GAR1: variants seen among roughly 807,000 people sequenced by gnomAD.
GAR1 encodes H/ACA ribonucleoprotein complex subunit 1.
In GAR1, 11 loss-of-function variants were observed where a neutral mutation model predicts 29.3. The ratio of observed to expected loss-of-function variants is 0.38; its 90% CI spans 0.24 to 0.62. The LOEUF is 0.62. Among genes scored for constraint, GAR1 ranks in the 20% least tolerant of loss-of-function variants. GAR1 has a pLI of 0.62. For synonymous variants in GAR1, 87 were observed against 93.3 expected, an observed-to-expected ratio of 0.93 and a Z score of 0.39; for missense variants, 237 against 268.4, an observed-to-expected ratio of 0.88 and a Z score of 0.82.
chr4:109,822,458 GGAGGAGGTGGCA>G lies in GAR1; in HGVS notation c.546_557del (p.Arg189_Gly192del), dbSNP rs1733539825. The G allele has an allele frequency of 3.1e-6, 5 of 1,603,068 alleles. No homozygotes were observed. The highest frequency in any genetic ancestry group is 3.4e-6 in the Non-Finnish European group (4 of 1,172,614). On this transcript the variant is annotated inframe_deletion, in exon 5 of 7. Coordinates refer to ENST00000226796, the MANE Select transcript of GAR1 (RefSeq NM_018983.4). ...CAGGGGAGGCCGAGGAGGAGGAAGA[GGAGGAGGTGGCA>G]GAGGTGGTGGCAGAGGCGGTAAGTT...
In GAR1 at chr4:109,822,557, T is replaced by G. The variant is rs562626460; in HGVS notation, c.571+69T>G. 1.2e-4 allele frequency: 180 copies of G among 1,512,284 alleles called. 1 individual carries two copies. Among genetic ancestry groups the G allele is most frequent in the Non-Finnish European group, 1.2e-4 (142 of 1,136,666 alleles). 93.7% of individuals were successfully genotyped at this position (1,512,284 alleles called of 1,614,324 possible). ...TTCACAGCTAATTCATACAATACAATTTAGCTTTGTACATAGCAAACCTCC... is the reference window on the plus strand; with the variant it reads ...TTCACAGCTAATTCATACAATACAAGTTAGCTTTGTACATAGCAAACCTCC... On this transcript the variant is annotated intron_variant, in intron 5 of 6. Transcript: ENST00000226796.
At chr4:109,823,936 T>C in intron 5 of GAR1, 29 bp from the exon 6 acceptor site, 1 of 1,392,794 alleles carries the variant, frequency 7.2e-7, no homozygotes, top group Non-Finnish European at 1.0e-6. Context: ...TTAAATACTT[T>C]GCGTTATTAT....
Position 109,816,175 on chromosome 4 carries a change from G to C in GAR1, c.11G>C (p.Arg4Pro), listed in dbSNP as rs1473496522. Residue 4 changes from arginine to proline, a missense_variant, in exon 2 of 7, where the codon CGA (arginine) becomes CCA (proline). Arg to Pro is a moderately radical substitution (Grantham distance 103). Transcript: ENST00000226796. ...CAGGGAGGAGAGAGAATGTCTTTTCGAGGCGGAGGTCGTGGAGGCTTTAAT... is the reference window on the plus strand; with the variant it reads ...CAGGGAGGAGAGAGAATGTCTTTTCCAGGCGGAGGTCGTGGAGGCTTTAAT... MSF[R>P]GGGRGGFNRG... The C allele has an allele frequency of 1.2e-6, 2 of 1,612,268 alleles. No individual in the cohort carries two copies. The highest frequency in any genetic ancestry group is 1.7e-6 in the Non-Finnish European group (2 of 1,179,942).
intron 4 of GAR1, 122 bp downstream of exon 4, chr4:109,819,182 A>C (rs557709831): frequency 2.7e-6 from 2 of 745,064 alleles, no homozygotes; most frequent in African/African-American, 1.7e-5. Context: ...TCTTAAATTG[A>C]AATGTTCCAT....
chr4:109,819,129 A>G (rs1212811500), intron 4 of GAR1, 69 bp downstream of exon 4: 2 of 815,172 alleles, frequency 2.5e-6, no homozygotes, highest in East Asian at 2.4e-5. Flanking sequence ...GGAAAGTCCT[A>G]CTTGGAGCAC....
rs1344949005 is a variant in GAR1 at position 109,818,083 on chromosome 4, G to A, written c.362G>A (p.Arg121Lys). Residue 121 changes from arginine to lysine, a missense_variant, in exon 3 of 7, where the codon AGA (arginine) becomes AAA (lysine). Arg to Lys is a conservative substitution (Grantham distance 26). Coordinates refer to ENST00000226796, the MANE Select transcript of GAR1 (RefSeq NM_018983.4). ...GTGGATGAAATATTTGGACAACTCA[G>A]AGATTTTGTATCCTTTTTCATTGGA... is the stretch of plus-strand genomic sequence containing the variant. ...GKVDEIFGQL[R>K]DFYFSVKLSE... The A allele has an allele frequency of 1.9e-6, 3 of 1,597,928 alleles. No homozygotes were observed. Among genetic ancestry groups the A allele is most frequent in the Non-Finnish European group, 1.7e-6 (2 of 1,174,516 alleles).
intron 5 of GAR1, among the ~76,000 whole-genome samples, chr4:109,822,862 C>T (rs928708313): frequency 6.6e-6 from 1 of 152,086 alleles, no homozygotes; most frequent in Non-Finnish European, 1.5e-5. Flanking sequence ...TAATACTCAG[C>T]GAAACCTTTT....
rs1311941147 is a variant in GAR1, at chr4:109,824,718, A to G, written c.*287A>G. ...TGAAGCATATTTGAATTTTTAAAAT[A>G]AAGTGTTTTATTCCCTTAAGTTATT... On this transcript the variant is annotated 3_prime_UTR_variant, in exon 7 of 7. Coordinates refer to ENST00000226796, the MANE Select transcript of GAR1 (RefSeq NM_018983.4). 1.3e-5 allele frequency: 4 copies of G among 305,870 alleles called. No individual in the cohort carries two copies. The highest frequency in any genetic ancestry group is 2.4e-5 in the Non-Finnish European group (4 of 167,552). The allele number at this position is 305,870 out of a possible 1,614,324, so 18.9% of individuals were successfully genotyped here.
chr4:109,816,355 A>G lies in GAR1; in HGVS notation c.191A>G (p.Gln64Arg), dbSNP rs1266192088. 1 of 1,613,846 alleles carries G rather than the reference A, an allele frequency of 6.2e-7. No individual in the cohort carries two copies. The highest frequency in any genetic ancestry group is 8.5e-7 in the Non-Finnish European group (1 of 1,180,010). The part of the protein sequence containing the change: ...GRGGFNKGQD[Q>R]GPPERVVLLG... ...GGAGGCTTTAACAAAGGCCAAGACC[A>G]AGGACCTCCAGAACGTGTAGTCTGT... is the stretch of plus-strand genomic sequence containing the variant. Residue 64 changes from glutamine (Q) to arginine (R), a missense_variant, in exon 2 of 7, where the codon CAA becomes CGA. By Grantham distance (43) the Gln-to-Arg change is conservative. Coordinates refer to ENST00000226796, the MANE Select transcript of GAR1 (RefSeq NM_018983.4).
rs545353774 is a variant in GAR1, at chr4:109,824,565, G to A, written c.*134G>A. On this transcript the variant is annotated 3_prime_UTR_variant, in exon 7 of 7. Transcript: ENST00000226796. ...CATTTTATGACAATGGATCTAAAATGTCAGCATCATGCAAAGTGCAACGGA... is the reference window on the plus strand; with the variant it reads ...CATTTTATGACAATGGATCTAAAATATCAGCATCATGCAAAGTGCAACGGA... 542 of 729,500 alleles carry A rather than the reference G, an allele frequency of 7.4e-4. No individual in the cohort carries two copies. The highest frequency in any genetic ancestry group is 1.1e-3 in the Non-Finnish European group (455 of 408,458). The allele number at this position is 729,500 out of a possible 1,614,324, so 45.2% of individuals were successfully genotyped here.
chr4:109,820,850 G>A (rs1368014966), intron 4 of GAR1, among the ~76,000 whole-genome samples: 2 of 152,056 alleles, frequency 1.3e-5, no homozygotes, highest in Admixed American at 6.5e-5. Flanking sequence ...TGCTTCTGGC[G>A]TGCCTGGAGC....
intron 4 of GAR1, 108 bp from the exon 5 acceptor site, chr4:109,822,239 G>C: frequency 1.6e-6 from 1 of 626,368 alleles, no homozygotes; most frequent in Non-Finnish European, 2.8e-6. Flanking sequence ...GAAAGTGGTA[G>C]GATTGGGGTT....
In GAR1 at chr4:109,819,286, AT is replaced by A. The variant is rs1733443679; in HGVS notation, c.429+227del. The stretch of plus-strand genomic sequence containing the variant: ...TACAACTTTTGCTCATATTACCAAA[AT>A]CTGTAAACTGCTAGAGTAAGAGTTT... On this transcript the variant is annotated intron_variant, in intron 4 of 6. Transcript: ENST00000226796. 5.6e-6 allele frequency: 3 copies of A among 533,960 alleles called. No individual in the cohort carries two copies. In the Admixed American group the frequency reaches 1.1e-4, roughly 19 times the overall value. 33.1% of individuals were successfully genotyped at this position (533,960 alleles called of 1,614,324 possible).
chr4:109,815,807 G>A lies in GAR1; in HGVS notation c.-13+3G>A, dbSNP rs920296421. 2 of 284,726 alleles carry A rather than the reference G, an allele frequency of 7.0e-6. No homozygotes were observed. Among genetic ancestry groups the A allele is most frequent in the Non-Finnish European group, 1.3e-5 (2 of 150,598 alleles). 17.6% of individuals were successfully genotyped at this position (284,726 alleles called of 1,614,324 possible). On this transcript the variant is annotated splice_donor_region_variant and intron_variant, in intron 1 of 6. Coordinates refer to ENST00000226796, the MANE Select transcript of GAR1 (RefSeq NM_018983.4). Reference sequence around the variant, plus strand: ...GGCCAGAGGGGCACGTGGCGCCGGTGAGTGGCCGTAGAAGCCGGAGGATTT... The same window carrying A: ...GGCCAGAGGGGCACGTGGCGCCGGTAAGTGGCCGTAGAAGCCGGAGGATTT...
chr4:109,815,778 C>T lies in GAR1; in HGVS notation c.-39C>T, dbSNP rs1733330278. The T allele has an allele frequency of 1.8e-5, 4 of 227,600 alleles. No homozygotes were observed. The South Asian group carries it at 2.7e-4, about 15-fold the overall frequency. 14.1% of individuals were successfully genotyped at this position (227,600 alleles called of 1,614,324 possible). A position where few individuals can be genotyped will look rare whatever the true frequency, so the allele number is the denominator to read the frequency against. ...CCCGCGGGTGGGTGTGTGCGCAAGGCCAGGGCCAGAGGGGCACGTGGCGCC... is the reference window on the plus strand; with the variant it reads ...CCCGCGGGTGGGTGTGTGCGCAAGGTCAGGGCCAGAGGGGCACGTGGCGCC... On this transcript the variant is annotated 5_prime_UTR_variant, in exon 1 of 7. Transcript: ENST00000226796.
intron 3 of GAR1, 21 bp downstream of exon 3, chr4:109,818,111 G>T (rs1355425868): frequency 6.4e-7 from 1 of 1,559,294 alleles, no homozygotes; most frequent in Non-Finnish European, 8.7e-7. Context: ...TCATTGGAAG[G>T]CCTGATAATA....
At position 109,818,062 on chromosome 4, in the gene GAR1, A is replaced by G. The variant is rs1422053327; in HGVS notation, c.341A>G (p.Asp114Gly). ...AACAAAGAACAAATTGGAAAAGTGG[A>G]TGAAATATTTGGACAACTCAGAGAT... Reference protein sequence around the residue: ...LENKEQIGKVDEIFGQLRDFY... With the variant: ...LENKEQIGKVGEIFGQLRDFY... The change falls in exon 3 of 7, where the codon GAT becomes GGT. Residue 114 changes from aspartate (D) to glycine (G), a missense_variant. Asp to Gly is a moderately conservative substitution (Grantham distance 94). Transcript: ENST00000226796. The G allele has an allele frequency of 1.2e-6, 2 of 1,606,058 alleles. No homozygotes were observed. Among genetic ancestry groups the G allele is most frequent in the Non-Finnish European group, 1.7e-6 (2 of 1,176,920 alleles).
rs556214974 is a variant in GAR1 at position 109,824,683 on chromosome 4, A to C, written c.*252A>C. The C allele has an allele frequency of 7.3e-5, 28 of 384,092 alleles. No homozygotes were observed. The highest frequency in any genetic ancestry group is 5.2e-4 in the African/African-American group (25 of 47,966). 23.8% of individuals were successfully genotyped at this position (384,092 alleles called of 1,614,324 possible). On this transcript the variant is annotated 3_prime_UTR_variant, in exon 7 of 7. Coordinates refer to ENST00000226796, the MANE Select transcript of GAR1 (RefSeq NM_018983.4). Reference sequence around the variant, plus strand: ...TGTGGGTGCTCAATAAATGGATAGGAGTTTTCATTTGAAGCATATTTGAAT... The same window carrying C: ...TGTGGGTGCTCAATAAATGGATAGGCGTTTTCATTTGAAGCATATTTGAAT...
rs80017826 is a variant in GAR1 at position 109,822,119 on chromosome 4, CCTG to C, written c.430-226_430-224del. 0.011 allele frequency among the ~76,000 whole-genome samples: 1,531 copies of C among 134,712 alleles called. 82 individuals are homozygous for C. In the East Asian group the frequency reaches 0.14, roughly 12 times the overall value. The allele number at this position is 134,712 out of a possible 152,430, so 88.4% of individuals were successfully genotyped here. ...GGCACATGTGTACCTATGTAACAAA[CCTG>C]CACGTTCTGCACATGTATCCCAGAA... On this transcript the variant is annotated intron_variant, in intron 4 of 6. Transcript: ENST00000226796.
Sources: allele counts gnomAD v4.1 joint callset (sites outside exome capture counted in the v4.1 genomes callset), GRCh38; gene constraint gnomAD v4.1.1; transcripts MANE v1.5; gene names NCBI Gene and HGNC (gene_info 2026-07-23, HGNC 2026-07-21).